Variants in AADACL4 observed in about 807,000 individuals in gnomAD.
AADACL4 encodes the protein arylacetamide deacetylase like 4, also known as arylacetamide deacetylase-like 4.
In AADACL4, 9 loss-of-function variants were observed where a neutral mutation model predicts 14.1. The ratio of observed to expected loss-of-function variants is 0.64; its 90% CI spans 0.39 to 1.12. The LOEUF is 1.12. AADACL4 is among the 50% of genes most tolerant of loss of function. The pLI is 0.01. For synonymous variants in AADACL4, 188 were observed against 201.6 expected (o/e 0.93, Z 0.57); for missense variants, 531 against 516.1 (o/e 1.03, Z -0.28).
chr1:12,659,068 C>T (rs1039274806), intron 2 of AADACL4, among the ~76,000 whole-genome samples: 1 of 152,140 alleles, frequency 6.6e-6, no homozygotes, highest in African/African-American at 2.4e-5. Context: ...GATGTATGGA[C>T]CGACGCATGG....
intron 2 of AADACL4, among the ~76,000 whole-genome samples, chr1:12,651,619 T>C (rs1488708876): frequency 6.6e-6 from 1 of 151,990 alleles, no homozygotes; most frequent in African/African-American, 2.4e-5. Context: ...TGGACTCCTC[T>C]CTCCCCTTTC....
chr1:12,651,813 C>T (rs1647149961), intron 2 of AADACL4, among the ~76,000 whole-genome samples: 1 of 151,640 alleles, frequency 6.6e-6, no homozygotes, highest in South Asian at 2.1e-4. Flanking sequence ...TGGTCCCCAT[C>T]CAGCAGCTAG....
rs1203149757 is a variant in AADACL4, at chr1:12,649,432, G to A, written c.169-1691G>A. Among the ~76,000 whole-genome samples, 6 of 152,150 alleles carry A rather than the reference G, an allele frequency of 3.9e-5. No homozygotes were observed. In the East Asian group the frequency reaches 9.6e-4, roughly 24 times the overall value. On this transcript the variant is annotated intron_variant, in intron 1 of 3. Transcript: ENST00000376221. ...GCCACGACTTAGGGAGCTCACAGCC[G>A]AGCAGGTGAAGATCCATGCTGGTAC...
intron 2 of AADACL4, among the ~76,000 whole-genome samples, chr1:12,652,714 T>G (rs1157889022): frequency 2.6e-5 from 4 of 152,196 alleles, no homozygotes; most frequent in African/African-American, 9.7e-5. Context: ...TTCTCGGAAC[T>G]GTGGTGCCAC....
At chr1:12,660,521 C>T (rs879809341) in intron 2 of AADACL4, among the ~76,000 whole-genome samples, 2 of 152,132 alleles carry the variant, frequency 1.3e-5, no homozygotes, top group Non-Finnish European at 2.9e-5. Flanking sequence ...GAAGATGACA[C>T]CCAGGTTGGC....
chr1:12,662,673 G>T (rs943826748), intron 3 of AADACL4, among the ~76,000 whole-genome samples: 4 of 152,122 alleles, frequency 2.6e-5, no homozygotes, highest in African/African-American at 9.7e-5. Flanking sequence ...ATTAAAATCT[G>T]CCTTTTTAGA....
In AADACL4 at chr1:12,666,161, C is replaced by T. The variant is rs756954817; in HGVS notation, c.650C>T (p.Ala217Val). Residue 217 changes from alanine (A) to valine (V), a missense_variant, in exon 4 of 4, where the codon GCT (alanine) becomes GTT (valine). Coordinates refer to ENST00000376221, the MANE Select transcript of AADACL4 (RefSeq NM_001013630.2). ...AGATCAGATCTTCCCCGGATCCGGG[C>T]TCAGGTTCTGATTTATCCAGTTGTC... The part of the protein sequence containing the change: ...VGRSDLPRIR[A>V]QVLIYPVVQA... The T allele has an allele frequency of 1.2e-6, 2 of 1,614,256 alleles. No homozygotes were observed. Among genetic ancestry groups the T allele is most frequent in the Admixed American group, 3.3e-5 (2 of 60,030 alleles).
chr1:12,661,239 G>T (rs987077424), intron 2 of AADACL4, among the ~76,000 whole-genome samples: 1 of 152,160 alleles, frequency 6.6e-6, no homozygotes, highest in African/African-American at 2.4e-5. Flanking sequence ...CTGAGGACTT[G>T]TAAAAACTCC....
chr1:12,661,884 C>G, intron 3 of AADACL4, 30 bp downstream of exon 3: 1 of 1,608,662 alleles, frequency 6.2e-7, no homozygotes, highest in South Asian at 1.1e-5. Context: ...TGGTAGGTTC[C>G]ACAGGGGTGA....
chr1:12,657,200 G>T (rs1352475354), intron 2 of AADACL4, among the ~76,000 whole-genome samples: 1 of 151,398 alleles, frequency 6.6e-6, no homozygotes, highest in African/African-American at 2.4e-5. Context: ...CTCTGTGTAG[G>T]TTGAAAATTT....
chr1:12,661,977 C>A, intron 3 of AADACL4, 123 bp downstream of exon 3: 3 of 1,076,834 alleles, frequency 2.8e-6, no homozygotes, highest in South Asian at 1.3e-5. Flanking sequence ...CATGCATCCA[C>A]AGAGACAGGC....
Position 12,644,393 on chromosome 1 carries a change from C to T in AADACL4, c.-154C>T, listed in dbSNP as rs1647096341. ...CTCCCATTGGCCTTTTTGTGCTTAC[C>T]CTGAGAAGCTGTGTCAGGCCACTGT... On this transcript the variant is annotated 5_prime_UTR_variant, in exon 1 of 4. Transcript: ENST00000376221. Among the ~76,000 whole-genome samples, 1 of 152,036 alleles carries T rather than the reference C, an allele frequency of 6.6e-6. No individual in the cohort carries two copies.
chr1:12,662,000 G>A (rs1467621055), intron 3 of AADACL4, 146 bp downstream of exon 3: 8 of 899,038 alleles, frequency 8.9e-6, no homozygotes, highest in African/African-American at 1.7e-5. Context: ...AGCAGTGCTC[G>A]AAAGAGCAAA....
intron 3 of AADACL4, 80 bp from the exon 4 acceptor site, chr1:12,665,881 G>A: frequency 7.2e-7 from 1 of 1,390,694 alleles, no homozygotes; most frequent in Non-Finnish European, 9.8e-7. Context: ...GTCTTGTAAG[G>A]GGGTTGAGGA....
In AADACL4 at chr1:12,644,708, C is replaced by T; in HGVS notation, c.162C>T (p.Val54=). The change falls in exon 1 of 4, where the codon GTC becomes GTT. Residue 54 remains valine, a synonymous_variant. Coordinates refer to ENST00000376221, the MANE Select transcript of AADACL4 (RefSeq NM_001013630.2). ...RFLHCIFLYL[V]TLGNIFEKLG... ...TGCATTGCATATTCCTCTACCTGGT[C>T]ACTTTGGTGAGTTTACTCTCAGGCC... is the stretch of plus-strand genomic sequence containing the variant. The T allele has an allele frequency of 1.2e-6, 2 of 1,613,824 alleles. No homozygotes were observed. The highest frequency in any genetic ancestry group is 1.1e-5 in the South Asian group (1 of 91,034).
At chr1:12,661,011 C>T (rs1647222492) in intron 2 of AADACL4, among the ~76,000 whole-genome samples, 1 of 152,198 alleles carries the variant, frequency 6.6e-6, no homozygotes, top group East Asian at 1.9e-4. Context: ...GAAACTTCAA[C>T]TTAGGGGCTG....
intron 1 of AADACL4, among the ~76,000 whole-genome samples, chr1:12,649,301 G>C (rs574771700): frequency 6.6e-6 from 1 of 152,288 alleles, no homozygotes; most frequent in East Asian, 1.9e-4. Context: ...GGTAAGAAAG[G>C]CTCCCAGGAA....
intron 1 of AADACL4, 102 bp downstream of exon 1, chr1:12,644,816 C>T (rs1478801397): frequency 2.3e-6 from 3 of 1,276,740 alleles, no homozygotes; most frequent in Admixed American, 4.0e-5. Context: ...GTCTCTCTCT[C>T]TTCGGACTCC....
At chr1:12,665,270 T>C (rs12132622) in intron 3 of AADACL4, among the ~76,000 whole-genome samples, 2,801 of 152,328 alleles carry the variant, frequency 0.018, 40 homozygotes, top group Non-Finnish European at 0.029. Context: ...TCGCCCAGGC[T>C]GGAGTGCAGT....
Sources: allele counts gnomAD v4.1 joint callset (sites outside exome capture counted in the v4.1 genomes callset), GRCh38; gene constraint gnomAD v4.1.1; transcripts MANE v1.5; gene names NCBI Gene and HGNC (gene_info 2026-07-23, HGNC 2026-07-21).